NALF1: variants seen among roughly 807,000 people sequenced by gnomAD.
The protein encoded by NALF1 is family with sequence similarity 155 member A.
Under a neutral mutation model 48.4 loss-of-function variants are expected in NALF1, and 3 were observed. The observed-to-expected ratio is 0.06, with a 90% confidence interval of 0.03 to 0.16. NALF1 has a LOEUF of 0.16. Ranked by LOEUF, NALF1 falls within the 10% of genes least tolerant of loss-of-function variation. The pLI is 1.00. For missense variants in NALF1, 526 were observed against 571.5 expected (o/e 0.92, Z 0.81); for synonymous variants, 262 against 245.7 (o/e 1.07, Z -0.62).
chr13:107,185,952 T>A (rs1299650437), intron 2 of NALF1, among the ~76,000 whole-genome samples: 1 of 152,160 alleles, frequency 6.6e-6, no homozygotes, highest in Non-Finnish European at 1.5e-5. Flanking sequence ...CCAAAAATGT[T>A]AGATGCAAAA....
intron 1 of NALF1, among the ~76,000 whole-genome samples, chr13:107,710,772 C>T (rs1212038728): frequency 3.7e-5 from 2 of 53,866 alleles, no homozygotes; most frequent in East Asian, 2.0e-3. Flanking sequence ...TGTATACACA[C>T]ATATGTGTGT....
chr13:107,728,590 T>C (rs1161132965), intron 1 of NALF1, among the ~76,000 whole-genome samples: 1 of 151,936 alleles, frequency 6.6e-6, no homozygotes, highest in Non-Finnish European at 1.5e-5. Context: ...CATGCGGGGC[T>C]TAAAACCTGG....
At chr13:107,322,945 G>C (rs895194177) in intron 1 of NALF1, among the ~76,000 whole-genome samples, 1 of 152,132 alleles carries the variant, frequency 6.6e-6, no homozygotes, top group African/African-American at 2.4e-5. Flanking sequence ...GAATGCCACA[G>C]ACCACACCTG....
chr13:107,711,061 T>G (rs1875575992), intron 1 of NALF1, among the ~76,000 whole-genome samples: 1 of 152,074 alleles, frequency 6.6e-6, no homozygotes, highest in Admixed American at 6.6e-5. Flanking sequence ...TCCTACAGTT[T>G]CTTTATCCCT....
At position 107,494,831 on chromosome 13, in the gene NALF1, TA is replaced by T. The variant is rs565732497; in HGVS notation, c.916-284077del. On this transcript the variant is annotated intron_variant, in intron 1 of 2. Coordinates refer to ENST00000375915, the MANE Select transcript of NALF1 (RefSeq NM_001080396.3). Reference sequence around the variant, plus strand: ...GAAGAACACATACAACCAATTGGATTAGGGGGAACAAGTAAACAAAACAGAG... The same window carrying T: ...GAAGAACACATACAACCAATTGGATTGGGGGAACAAGTAAACAAAACAGAG... Among the ~76,000 whole-genome samples the T allele has an allele frequency of 3.9e-3, 596 of 152,250 alleles. 5 individuals carry two copies. The highest frequency in any genetic ancestry group is 0.014 in the African/African-American group (572 of 41,566).
At chr13:107,432,233 C>T (rs969438441) in intron 1 of NALF1, among the ~76,000 whole-genome samples, 4 of 152,128 alleles carry the variant, frequency 2.6e-5, no homozygotes, top group South Asian at 4.1e-4. Flanking sequence ...GGAGAACTCA[C>T]TCATCTCCAA....
intron 1 of NALF1, among the ~76,000 whole-genome samples, chr13:107,645,304 T>A (rs1230195894): frequency 6.6e-6 from 1 of 152,124 alleles, no homozygotes; most frequent in Non-Finnish European, 1.5e-5. Flanking sequence ...TATAGAAGTA[T>A]CAAAGTGTTT....
At chr13:107,668,575 A>G (rs1051972646) in intron 1 of NALF1, among the ~76,000 whole-genome samples, 3 of 152,024 alleles carry the variant, frequency 2.0e-5, no homozygotes, top group Non-Finnish European at 4.4e-5. Context: ...AATATTTGCA[A>G]TATTCATGAT....
intron 1 of NALF1, among the ~76,000 whole-genome samples, chr13:107,262,244 A>G (rs942338122): frequency 2.6e-5 from 4 of 151,982 alleles, no homozygotes; most frequent in Admixed American, 6.6e-5. Context: ...GTGAAACCCC[A>G]TCTTTACCAA....
At chr13:107,783,924 T>C (rs888059559) in intron 1 of NALF1, among the ~76,000 whole-genome samples, 4 of 149,944 alleles carry the variant, frequency 2.7e-5, no homozygotes, top group Non-Finnish European at 5.9e-5. Context: ...CTGTGAGAGA[T>C]GCACTCACTT....
intron 1 of NALF1, among the ~76,000 whole-genome samples, chr13:107,835,082 G>T (rs1274738273): frequency 6.6e-6 from 1 of 152,136 alleles, no homozygotes; most frequent in African/African-American, 2.4e-5. Context: ...ATCACGTATT[G>T]TCCATGATGT....
chr13:107,387,858 A>G (rs890734970), intron 1 of NALF1, among the ~76,000 whole-genome samples: 2 of 152,220 alleles, frequency 1.3e-5, no homozygotes, highest in Non-Finnish European at 2.9e-5. Context: ...GCTACCCTTG[A>G]GTAACTCACA....
Position 107,866,788 on chromosome 13 carries a change from T to C in NALF1, c.-192A>G, listed in dbSNP as rs1391049511. ...TCTCTCTCCCTCTCCCTCTCTTTTA[T>C]CTCTCTCTGTCTCTTTTGCCTACAT... On this transcript the variant is annotated 5_prime_UTR_variant, in exon 1 of 3. Transcript: ENST00000375915. This position sits in a 1 kb window ranked among gnomAD's most constrained non-coding sequence, Gnocchi z 4.4. 1 of 592,610 alleles carries C rather than the reference T, an allele frequency of 1.7e-6. No homozygotes were observed. Among genetic ancestry groups the C allele is most frequent in the Non-Finnish European group, 3.0e-6 (1 of 336,124 alleles). 36.7% of individuals were successfully genotyped at this position (592,610 alleles called of 1,614,324 possible). A position where few individuals can be genotyped will look rare whatever the true frequency, so the allele number is the denominator to read the frequency against.
chr13:107,220,389 GGTCTGCATTACTGTCAGA>G (rs1377502927), intron 1 of NALF1, among the ~76,000 whole-genome samples: 1 of 152,140 alleles, frequency 6.6e-6, no homozygotes, highest in African/African-American at 2.4e-5. Context: ...ATTTAAACCT[GGTCTGCATTACTGTCAGA>G]AAAATGCCAG....
At chr13:107,342,604 T>C (rs1218458297) in intron 1 of NALF1, among the ~76,000 whole-genome samples, 1 of 152,284 alleles carries the variant, frequency 6.6e-6, no homozygotes, top group East Asian at 1.9e-4. Flanking sequence ...GTTACATCAA[T>C]AACATAAAAT....
At chr13:107,764,232 T>C (rs1877358848) in intron 1 of NALF1, among the ~76,000 whole-genome samples, 1 of 152,162 alleles carries the variant, frequency 6.6e-6, no homozygotes, top group Non-Finnish European at 1.5e-5. Flanking sequence ...GTGATGTTTG[T>C]ATATATGATG....
At chr13:107,828,199 T>A (rs998529511) in intron 1 of NALF1, among the ~76,000 whole-genome samples, 4 of 152,148 alleles carry the variant, frequency 2.6e-5, no homozygotes, top group Non-Finnish European at 4.4e-5. Context: ...TGAAAAAAAA[T>A]TTTACGAGTA....
intron 1 of NALF1, among the ~76,000 whole-genome samples, chr13:107,522,780 T>C (rs896771682): frequency 2.0e-5 from 3 of 151,388 alleles, no homozygotes; most frequent in Non-Finnish European, 4.4e-5. Context: ...ATTTTTCTTT[T>C]TTTTCTTTTT....
chr13:107,784,527 G>T (rs532759651), intron 1 of NALF1, among the ~76,000 whole-genome samples: 1 of 151,960 alleles, frequency 6.6e-6, no homozygotes, highest in African/African-American at 2.4e-5. Flanking sequence ...TTAAAAAGAG[G>T]TTGCTCCAGT....
Sources: allele counts gnomAD v4.1 joint callset (sites outside exome capture counted in the v4.1 genomes callset), GRCh38; gene constraint gnomAD v4.1.1; non-coding constraint Gnocchi (gnomAD v3.1); transcripts MANE v1.5; gene names NCBI Gene and HGNC (gene_info 2026-07-23, HGNC 2026-07-21).